Variants in CCDC149 observed in about 807,000 individuals in gnomAD.
The protein encoded by CCDC149 is coiled-coil domain containing 149.
Under a neutral mutation model 59.9 loss-of-function variants are expected in CCDC149, and 45 were observed. That is an observed-to-expected ratio of 0.75 (90% CI 0.59 to 0.96). The LOEUF (loss-of-function observed/expected upper bound fraction) is 0.96. Among genes scored for constraint, CCDC149 ranks in the 40% least tolerant of loss-of-function variants. The pLI, the probability that CCDC149 is intolerant of heterozygous loss-of-function variation, is 0.00. For missense variants in CCDC149, 584 were observed against 664.7 expected (o/e 0.88, Z 1.33); for synonymous variants, 245 against 260.6 (o/e 0.94, Z 0.58).
intron 1 of CCDC149, among the ~76,000 whole-genome samples, chr4:24,910,452 G>C (rs1182045228): frequency 6.6e-6 from 1 of 152,106 alleles, no homozygotes; most frequent in Non-Finnish European, 1.5e-5. Context: ...GTGGGGAGGT[G>C]GGGGGAGCAG....
intron 1 of CCDC149, among the ~76,000 whole-genome samples, chr4:24,885,231 G>C (rs184118438): frequency 1.4e-4 from 21 of 152,248 alleles, no homozygotes; most frequent in African/African-American, 4.6e-4. Flanking sequence ...GGCTTTGAAT[G>C]GGGGAGTGTC....
intron 1 of CCDC149, among the ~76,000 whole-genome samples, chr4:24,894,776 C>A (rs916149018): frequency 2.0e-5 from 3 of 151,714 alleles, no homozygotes; most frequent in African/African-American, 7.3e-5. Flanking sequence ...TTTAGCATAA[C>A]ACATGTATAT....
At chr4:24,898,638 T>C (rs1369817112) in intron 1 of CCDC149, among the ~76,000 whole-genome samples, 1 of 152,142 alleles carries the variant, frequency 6.6e-6, no homozygotes, top group African/African-American at 2.4e-5. Flanking sequence ...GTGCCTAGCA[T>C]TGTGCTAGAC....
chr4:24,957,538 C>T (rs1723503160), intron 1 of CCDC149, among the ~76,000 whole-genome samples: 1 of 152,206 alleles, frequency 6.6e-6, no homozygotes, highest in Non-Finnish European at 1.5e-5. Context: ...ACCTGGTTGT[C>T]TATTTTCCAT....
chr4:24,897,979 C>G (rs935888828), intron 1 of CCDC149, among the ~76,000 whole-genome samples: 4 of 152,222 alleles, frequency 2.6e-5, no homozygotes, highest in African/African-American at 9.6e-5. Context: ...CAAATTGGAA[C>G]TGGCTAGTGA....
chr4:24,895,217 G>A, intron 1 of CCDC149: 1 of 616,272 alleles, frequency 1.6e-6, no homozygotes, highest in Admixed American at 2.4e-5. Flanking sequence ...GGCTCAGAAG[G>A]GCATAGGAAG....
intron 3 of CCDC149, among the ~76,000 whole-genome samples, chr4:24,866,341 G>A (rs1718691313): frequency 6.6e-6 from 1 of 152,160 alleles, no homozygotes; most frequent in South Asian, 2.1e-4. Flanking sequence ...TCTTAAAGAT[G>A]TGTTTGACTG....
At chr4:24,885,556 G>A (rs998790370) in intron 1 of CCDC149, among the ~76,000 whole-genome samples, 39 of 152,330 alleles carry the variant, frequency 2.6e-4, no homozygotes, top group African/African-American at 8.7e-4. Flanking sequence ...CGTGACGGCT[G>A]GTGCCGGAAT....
In CCDC149 at chr4:24,822,740, G is replaced by C. The variant is rs1715494514; in HGVS notation, c.966-167C>G. ...GTAAATAATATGTGCTCTATTGAAA[G>C]TGCATATACAAATAGAAAGTACAGT... is the stretch of plus-strand genomic sequence containing the variant. On this transcript the variant is annotated intron_variant, in intron 9 of 12. Coordinates refer to ENST00000635206, the MANE Select transcript of CCDC149 (RefSeq NM_001330643.2). 6.6e-6 allele frequency: 3 copies of C among 451,538 alleles called. No individual in the cohort carries two copies. In the South Asian group the frequency reaches 1.6e-4, roughly 24 times the overall value. 28.0% of individuals were successfully genotyped at this position (451,538 alleles called of 1,614,324 possible).
intron 1 of CCDC149, among the ~76,000 whole-genome samples, chr4:24,954,179 G>A (rs1723396776): frequency 6.6e-6 from 1 of 152,184 alleles, no homozygotes; most frequent in Admixed American, 6.5e-5. Context: ...AGCTCAACAA[G>A]CTCCAAGTAG....
intron 1 of CCDC149, among the ~76,000 whole-genome samples, chr4:24,977,112 T>A (rs1041835387): frequency 6.6e-6 from 1 of 152,324 alleles, no homozygotes; most frequent in Middle Eastern, 3.4e-3. Flanking sequence ...CCACCCTTGA[T>A]ACTGTGTTGC....
At chr4:24,901,049 G>A (rs974267970) in intron 1 of CCDC149, among the ~76,000 whole-genome samples, 2 of 152,220 alleles carry the variant, frequency 1.3e-5, no homozygotes, top group African/African-American at 2.4e-5. Flanking sequence ...TTTTCTTAAA[G>A]GTGGTTTAAT....
upstream of CCDC149, among the ~76,000 whole-genome samples, chr4:24,914,340 A>T (rs1220903979): frequency 6.7e-6 from 1 of 148,446 alleles, no homozygotes; most frequent in East Asian, 2.0e-4. Flanking sequence ...GTGCTCAGTC[A>T]TGTAACTTGC....
rs1269141828 is a variant in CCDC149 at position 24,850,131 on chromosome 4, T to C, written c.372+2941A>G. Among the ~76,000 whole-genome samples, 4 of 152,242 alleles carry C rather than the reference T, an allele frequency of 2.6e-5. No individual in the cohort carries two copies. The East Asian group carries it at 7.7e-4, about 29-fold the overall frequency. ...TTGGTCTGTTTATTTCTTGCATACT[T>C]TTTTTTTCTTTTTCTCTTACTCTTC... On this transcript the variant is annotated intron_variant, in intron 4 of 12. Coordinates refer to ENST00000635206, the MANE Select transcript of CCDC149 (RefSeq NM_001330643.2).
intron 12 of CCDC149, among the ~76,000 whole-genome samples, chr4:24,815,336 T>C (rs1391163035): frequency 1.3e-5 from 2 of 152,172 alleles, no homozygotes; most frequent in Non-Finnish European, 2.9e-5. Flanking sequence ...AGGGAAGCAA[T>C]CACATAATTT....
chr4:24,822,123 G>A (rs1429147853), intron 10 of CCDC149, among the ~76,000 whole-genome samples: 1 of 152,090 alleles, frequency 6.6e-6, no homozygotes, highest in Non-Finnish European at 1.5e-5. Flanking sequence ...GGCTGATAAT[G>A]AAATTGAACA....
At chr4:24,811,228 A>T (rs1427054092) in intron 12 of CCDC149, among the ~76,000 whole-genome samples, 1 of 152,196 alleles carries the variant, frequency 6.6e-6, no homozygotes, top group Non-Finnish European at 1.5e-5. Context: ...TGCAACCTCC[A>T]AGATTCTACC....
At chr4:24,927,635 G>A (rs1044242954) in intron 1 of CCDC149, among the ~76,000 whole-genome samples, 2 of 152,088 alleles carry the variant, frequency 1.3e-5, no homozygotes, top group African/African-American at 4.8e-5. Context: ...CCCGTATAAT[G>A]ATGTAGTTTT....
In CCDC149 at chr4:24,831,643, A is replaced by G. The variant is rs1716161528; in HGVS notation, c.828T>C (p.Asp276=). Residue 276 remains aspartate (D), a synonymous_variant, in exon 9 of 13, where the codon GAT becomes GAC. Transcript: ENST00000635206. ...TGCATCCATGATCCTCAGATAGCAG[A>G]TCCTGAACTAGATAGGATACAAAAT... is the stretch of plus-strand genomic sequence containing the variant. 5.6e-6 allele frequency: 9 copies of G among 1,613,792 alleles called. No individual in the cohort carries two copies. Among genetic ancestry groups the G allele is most frequent in the Non-Finnish European group, 7.6e-6 (9 of 1,179,890 alleles).
Sources: gnomAD v4.1 joint callset for allele counts (sites outside exome capture counted in the v4.1 genomes callset) on GRCh38, gnomAD v4.1.1 for gene constraint, MANE v1.5 for transcripts, NCBI Gene and HGNC (gene_info 2026-07-23, HGNC 2026-07-21) for gene names.